The following SLC44A2 variants were observed in gnomAD, a reference collection of about 807,000 sequenced individuals.
SLC44A2 encodes solute carrier family 44 member 2 (CTL2 blood group), also known as choline transporter-like protein 2.
SLC44A2 carries 57 observed loss-of-function variants against 90.8 expected under a neutral mutation model. The ratio of observed to expected loss-of-function variants is 0.63; its 90% CI spans 0.51 to 0.78. SLC44A2 has a LOEUF of 0.78. Ranked by LOEUF, SLC44A2 falls within the 30% of genes least tolerant of loss-of-function variation. The probability of loss-of-function intolerance (pLI) is 0.00; values close to 1 mark genes in which losing one functional copy is unlikely to be tolerated. For synonymous variants in SLC44A2, 355 were observed against 360.7 expected (o/e 0.98, Z 0.18); for missense variants, 794 against 919.7 (o/e 0.86, Z 1.77).
In SLC44A2 at chr19:10,631,352, G is replaced by A. The variant is rs758888463; in HGVS notation, c.408G>A (p.Lys136=). 8 of 1,614,148 alleles carry A rather than the reference G, an allele frequency of 5.0e-6. No individual in the cohort carries two copies. Among genetic ancestry groups the A allele is most frequent in the South Asian group, 3.3e-5 (3 of 91,084 alleles). Residue 136 remains lysine, a synonymous_variant, in exon 6 of 22, where the codon AAG becomes AAA. Coordinates refer to ENST00000335757, the MANE Select transcript of SLC44A2 (RefSeq NM_020428.4). ...ARSSRDFEYY[K]QFCVPGFKNN... is the part of the protein sequence containing the mutation. ...GCTCCCGGGACTTTGAGTACTATAA[G>A]CAGTTCTGTGTTCCTGGCTTCAAGA...
chr19:10,603,898 C>T (rs1707386920), intron 1 of SLC44A2, among the ~76,000 whole-genome samples: 1 of 152,042 alleles, frequency 6.6e-6, no homozygotes, highest in Non-Finnish European at 1.5e-5. Context: ...GGGACAGGGA[C>T]GAGGGGCAGA....
upstream of SLC44A2, among the ~76,000 whole-genome samples, chr19:10,624,770 T>C (rs922006718): frequency 3.3e-5 from 5 of 152,204 alleles, no homozygotes; most frequent in African/African-American, 1.2e-4. Context: ...AGGGTGGAGA[T>C]TGGGTCTCTC....
rs200406319 is a variant in SLC44A2, at chr19:10,631,178, C to T, written c.330+37C>T. ...CCCACCGTTCCCTTTTTCCTCTCCC[C>T]GCTTCCCATCCTTTTCCCCCTGTGA... On this transcript the variant is annotated intron_variant, in intron 5 of 21. Transcript: ENST00000335757. 1,648 of 1,607,006 alleles carry T rather than the reference C, an allele frequency of 1.0e-3. 13 individuals carry two copies. The highest frequency in any genetic ancestry group is 1.7e-4 in the Non-Finnish European group (201 of 1,173,894).
At position 10,613,735 on chromosome 19, in the gene SLC44A2, GGAAGC is replaced by G. The variant is rs530744015; in HGVS notation, c.31+11177_31+11181del. Among the ~76,000 whole-genome samples, 297 of 152,190 alleles carry G rather than the reference GGAAGC, an allele frequency of 2.0e-3. 2 individuals are homozygous for G. Among genetic ancestry groups the G allele is most frequent in the Non-Finnish European group, 3.4e-3 (232 of 68,014 alleles). On this transcript the variant is annotated intron_variant, in intron 1 of 21. Coordinates refer to the SLC44A2 transcript ENST00000407327. ...GAGTCAGAGGAGGACATGGAACGAC[GGAAGC>G]GAGGTGGGTTTGATGTGATTGCTGT... is the stretch of plus-strand genomic sequence containing the variant.
chr19:10,609,088 G>C (rs1281037347), intron 1 of SLC44A2, among the ~76,000 whole-genome samples: 1 of 150,232 alleles, frequency 6.7e-6, no homozygotes, highest in East Asian at 2.0e-4. Flanking sequence ...CTCCCCAGTA[G>C]CTGGGATTAC....
chr19:10,638,848 G>A lies in SLC44A2; in HGVS notation c.1929+533G>A, dbSNP rs144196378. Among the ~76,000 whole-genome samples the A allele has an allele frequency of 3.7e-3, 548 of 148,680 alleles. 2 individuals carry two copies. The highest frequency in any genetic ancestry group is 0.013 in the African/African-American group (516 of 40,244). On this transcript the variant is annotated intron_variant, in intron 20 of 21. Transcript: ENST00000335757. ...GAGTTTCACTCTTGTTGCCCAGGCT[G>A]GAGTGCAATAGGGTGATCTCAGCTC...
upstream of SLC44A2, among the ~76,000 whole-genome samples, chr19:10,622,094 C>T (rs771832266): frequency 1.3e-5 from 2 of 152,180 alleles, no homozygotes; most frequent in East Asian, 1.9e-4. Context: ...CTGAAGGCAA[C>T]GGAGCTGTAT....
At chr19:10,630,500 T>G (rs956996756) in intron 4 of SLC44A2, among the ~76,000 whole-genome samples, 16 of 147,216 alleles carry the variant, frequency 1.1e-4, no homozygotes. Context: ...CCACTAAAAA[T>G]ACAAAAATTA....
intron 1 of SLC44A2, among the ~76,000 whole-genome samples, chr19:10,618,474 CTTTTTTTTT>C (rs3029799): frequency 6.9e-5 from 6 of 87,346 alleles, no homozygotes; most frequent in Admixed American, 1.4e-4. Flanking sequence ...TGCGCCCGGC[CTTTTTTTTT>C]TTTTTTTTTT....
intron 1 of SLC44A2, among the ~76,000 whole-genome samples, chr19:10,614,800 G>A (rs1034632700): frequency 3.3e-5 from 5 of 150,408 alleles, no homozygotes; most frequent in East Asian, 4.0e-4. Context: ...GTGAAACCAC[G>A]TCTCTATTAA....
rs544818299 is a variant in SLC44A2 at position 10,617,166 on chromosome 19, C to T, written c.32-9087C>T. Among the ~76,000 whole-genome samples the T allele has an allele frequency of 1.4e-4, 7 of 50,708 alleles. No individual in the cohort carries two copies. In the South Asian group the frequency reaches 2.9e-3, roughly 21 times the overall value. 33.3% of individuals were successfully genotyped at this position (50,708 alleles called of 152,430 possible). ...TGATCTCCTGACCTCGTGATCCGCCCGCCTGGGGCTCCCAAAGTGCTAGGA... is the reference window on the plus strand; with the variant it reads ...TGATCTCCTGACCTCGTGATCCGCCTGCCTGGGGCTCCCAAAGTGCTAGGA... On this transcript the variant is annotated intron_variant, in intron 1 of 21. Coordinates refer to the SLC44A2 transcript ENST00000407327.
rs780178159 is a variant in SLC44A2, at chr19:10,631,354, A to T, written c.410A>T (p.Gln137Leu). The T allele has an allele frequency of 8.7e-6, 14 of 1,614,020 alleles. No individual in the cohort carries two copies. Among genetic ancestry groups the T allele is most frequent in the Non-Finnish European group, 1.2e-5 (14 of 1,180,038 alleles). Residue 137 changes from glutamine to leucine, a missense_variant, in exon 6 of 22, where the codon CAG becomes CTG. Physicochemically the swap from Gln to Leu is moderately radical, Grantham distance 113. Transcript: ENST00000335757. ...RSSRDFEYYK[Q>L]FCVPGFKNNK... The stretch of plus-strand genomic sequence containing the variant: ...TCCCGGGACTTTGAGTACTATAAGC[A>T]GTTCTGTGTTCCTGGCTTCAAGAAC...
intron 14 of SLC44A2, 108 bp downstream of exon 14, chr19:10,635,623 C>T (rs1448660338): frequency 2.0e-6 from 2 of 990,438 alleles, no homozygotes; most frequent in East Asian, 4.8e-5. Context: ...GCCCCTGTTG[C>T]ATGTCCTGTG....
At chr19:10,624,067 G>C (rs954301833), upstream of SLC44A2, among the ~76,000 whole-genome samples, 1 of 151,758 alleles carries the variant, frequency 6.6e-6, no homozygotes, top group Non-Finnish European at 1.5e-5. Context: ...GCACGATCTC[G>C]GCTCATTGCA....
intron 1 of SLC44A2, among the ~76,000 whole-genome samples, chr19:10,617,509 G>T (rs1015211334): frequency 6.6e-6 from 1 of 152,112 alleles, no homozygotes; most frequent in Admixed American, 6.6e-5. Flanking sequence ...AGTTCACACA[G>T]CTAGGCATGT....
intron 20 of SLC44A2, among the ~76,000 whole-genome samples, chr19:10,641,860 A>G (rs1052615844): frequency 6.6e-6 from 1 of 151,852 alleles, no homozygotes; most frequent in African/African-American, 2.4e-5. Context: ...TCTCAAAAAA[A>G]GAAAAAAAAA....
At chr19:10,625,039 C>G (rs146468116), upstream of SLC44A2, among the ~76,000 whole-genome samples, 891 of 152,102 alleles carry the variant, frequency 5.9e-3, 14 homozygotes, top group African/African-American at 0.019. Context: ...GAGGCTTAGT[C>G]AGGAGGATGG....
intron 1 of SLC44A2, among the ~76,000 whole-genome samples, chr19:10,605,829 A>G (rs779375467): frequency 1.3e-5 from 2 of 152,020 alleles, no homozygotes; most frequent in Non-Finnish European, 2.9e-5. Flanking sequence ...CCCCGTCTCT[A>G]TTAAAAATAT....
At chr19:10,630,659 T>TTA (rs1555761154) in intron 4 of SLC44A2, among the ~76,000 whole-genome samples, 6 of 130,096 alleles carry the variant, frequency 4.6e-5, no homozygotes, top group Non-Finnish European at 8.0e-5. Flanking sequence ...GGACTCCATC[T>TTA]AAAAAAAAAA....
Sources: allele counts gnomAD v4.1 joint callset (sites outside exome capture counted in the v4.1 genomes callset), GRCh38; gene constraint gnomAD v4.1.1; transcripts MANE v1.5; gene names NCBI Gene and HGNC (gene_info 2026-07-23, HGNC 2026-07-21).